Variants in WIPF1 observed in about 807,000 individuals in gnomAD.
WIPF1 encodes the protein WAS/WASL interacting protein family member 1.
WIPF1 carries 13 observed loss-of-function variants against 35.4 expected under a neutral mutation model. The observed-to-expected ratio is 0.37, with a 90% CI of 0.24 to 0.58. The LOEUF is 0.58. WIPF1 is among the 20% of genes least tolerant of loss of function. The probability of loss-of-function intolerance (pLI) is 0.74; values close to 1 mark genes in which losing one functional copy is unlikely to be tolerated. For missense variants in WIPF1, 591 were observed against 667.0 expected, an observed-to-expected ratio of 0.89 and a Z score of 1.25; for synonymous variants, 267 against 266.3, an observed-to-expected ratio of 1.00 and a Z score of -0.02.
chr2:174,655,961 G>T (rs1482142207), intron 1 of WIPF1: 1 of 152,220 alleles, frequency 6.6e-6, no homozygotes, highest in Non-Finnish European at 1.5e-5. Flanking sequence ...TACATCTTGT[G>T]TGGTCCCCTC....
In WIPF1 at chr2:174,562,512, G is replaced by A. The variant is rs756992928; in HGVS notation, c.*35C>T. 2 of 1,614,094 alleles carry A rather than the reference G, an allele frequency of 1.2e-6. No individual in the cohort carries two copies. Among genetic ancestry groups the A allele is most frequent in the East Asian group, 2.2e-5 (1 of 44,892 alleles). ...CAGTTCTTAGATAGCAACAGAAGCA[G>A]CTCTTGAGCTTGGGTAGAGAAGAGC... is the stretch of plus-strand genomic sequence containing the variant. On this transcript the variant is annotated 3_prime_UTR_variant, in exon 8 of 8. Transcript: ENST00000679041.
intron 1 of WIPF1, among the ~76,000 whole-genome samples, chr2:174,654,755 T>C (rs1687607545): frequency 6.6e-6 from 1 of 152,106 alleles, no homozygotes; most frequent in African/African-American, 2.4e-5. Context: ...CCTTTGCGCT[T>C]CTCAACCCTA....
At chr2:174,574,829 C>T (rs1301812953) in intron 4 of WIPF1, 2 of 715,278 alleles carry the variant, frequency 2.8e-6, no homozygotes, top group African/African-American at 1.8e-5. Flanking sequence ...ATTTACTCTA[C>T]TAGACAGCTG....
In WIPF1 at chr2:174,668,203, CA is replaced by C. The variant is rs1232544699; in HGVS notation, c.-39+14570del. 2.6e-5 allele frequency among the ~76,000 whole-genome samples: 4 copies of C among 152,282 alleles called. No homozygotes were observed. The South Asian group carries it at 8.3e-4, about 32-fold the overall frequency. The stretch of plus-strand genomic sequence containing the variant: ...ATGGAACATTTTATGCAATCTCAGG[CA>C]GGGGGAAGAGAAACGAACTGGAACC... On this transcript the variant is annotated intron_variant, in intron 1 of 8. Coordinates refer to the WIPF1 transcript ENST00000272746.
chr2:174,669,680 G>C (rs1687966009), intron 1 of WIPF1, among the ~76,000 whole-genome samples: 1 of 152,168 alleles, frequency 6.6e-6, no homozygotes, highest in African/African-American at 2.4e-5. Flanking sequence ...TTCATGACCA[G>C]TCTGGCCAAC....
chr2:174,588,292 A>G (rs148100779), intron 1 of WIPF1, among the ~76,000 whole-genome samples: 1 of 152,300 alleles, frequency 6.6e-6, no homozygotes, highest in Non-Finnish European at 1.5e-5. Flanking sequence ...AAATCCCTCA[A>G]GACTATTTTG....
At chr2:174,606,061 T>C (rs1305499138) in intron 1 of WIPF1, among the ~76,000 whole-genome samples, 1 of 152,170 alleles carries the variant, frequency 6.6e-6, no homozygotes, top group East Asian at 1.9e-4. Flanking sequence ...CAAGTGGTTC[T>C]TCCCAGAAAA....
chr2:174,579,844 T>C (rs908935033), intron 3 of WIPF1, among the ~76,000 whole-genome samples: 4 of 152,198 alleles, frequency 2.6e-5, no homozygotes, highest in African/African-American at 7.2e-5. Context: ...CAGATGGCTA[T>C]TGGAGGGCTT....
At chr2:174,612,577 A>G (rs1056000817) in intron 1 of WIPF1, among the ~76,000 whole-genome samples, 5 of 55,758 alleles carry the variant, frequency 9.0e-5, no homozygotes, top group Non-Finnish European at 1.5e-4. Context: ...AGACATGAAC[A>G]GTTTTTTTTT....
Position 174,562,018 on chromosome 2 carries a change from T to C in WIPF1, c.*529A>G. 2.0e-6 allele frequency: 3 copies of C among 1,518,772 alleles called. No individual in the cohort carries two copies. The highest frequency in any genetic ancestry group is 2.7e-6 in the Non-Finnish European group (3 of 1,120,390). The allele number at this position is 1,518,772 out of a possible 1,614,324, so 94.1% of individuals were successfully genotyped here. The stretch of plus-strand genomic sequence containing the variant: ...ATTGTATATGGGGCTCACATTATAT[T>C]TCTATTGGACAGCTCTGTCCTAGAG... On this transcript the variant is annotated 3_prime_UTR_variant, in exon 8 of 8. Coordinates refer to ENST00000679041, the MANE Select transcript of WIPF1 (RefSeq NM_001375834.1).
chr2:174,661,402 C>T (rs913442853), intron 1 of WIPF1, among the ~76,000 whole-genome samples: 4 of 152,092 alleles, frequency 2.6e-5, no homozygotes, highest in African/African-American at 9.7e-5. Flanking sequence ...CCCACAGCCA[C>T]ACTCCCTCTC....
chr2:174,563,436 G>A (rs372580027), intron 7 of WIPF1, among the ~76,000 whole-genome samples: 17 of 152,044 alleles, frequency 1.1e-4, no homozygotes, highest in Non-Finnish European at 1.8e-4. Flanking sequence ...GTTGGTGTGC[G>A]CCTGTCCCAT....
chr2:174,566,957 C>T (rs1281154921), intron 7 of WIPF1, 113 bp downstream of exon 7: 5 of 963,872 alleles, frequency 5.2e-6, no homozygotes, highest in Non-Finnish European at 7.9e-6. Flanking sequence ...GTAGATGGCT[C>T]CAAAGGGTTC....
chr2:174,664,671 G>C (rs2105978466), intron 1 of WIPF1, among the ~76,000 whole-genome samples: 1 of 152,350 alleles, frequency 6.6e-6, no homozygotes, highest in East Asian at 1.9e-4. Context: ...AGCTGTCCCA[G>C]GGCCCACTTA....
chr2:174,632,335 G>A (rs896404940), intron 1 of WIPF1, among the ~76,000 whole-genome samples: 3 of 152,128 alleles, frequency 2.0e-5, no homozygotes, highest in African/African-American at 7.2e-5. Context: ...GTGGAAAGAT[G>A]GGGAAGGGGC....
At chr2:174,625,331 A>T (rs908587155) in intron 1 of WIPF1, among the ~76,000 whole-genome samples, 2 of 152,200 alleles carry the variant, frequency 1.3e-5, no homozygotes, top group Admixed American at 6.5e-5. Context: ...AGCTTTCTGA[A>T]TGAGGTCTCA....
intron 1 of WIPF1, among the ~76,000 whole-genome samples, chr2:174,667,140 A>T (rs1450832635): frequency 6.6e-6 from 1 of 152,210 alleles, no homozygotes; most frequent in Non-Finnish European, 1.5e-5. Flanking sequence ...ATAAACTGCC[A>T]GCACAGAGCT....
intron 1 of WIPF1, among the ~76,000 whole-genome samples, chr2:174,635,309 C>T (rs927475304): frequency 6.6e-6 from 1 of 152,182 alleles, no homozygotes; most frequent in Admixed American, 6.5e-5. Context: ...GGCTGGGCAT[C>T]ATCTTCCTCC....
At chr2:174,564,815 G>GCACACA (rs10587549) in intron 7 of WIPF1, among the ~76,000 whole-genome samples, 6,909 of 143,424 alleles carry the variant, frequency 0.048, 184 homozygotes, top group Middle Eastern at 0.058. Flanking sequence ...TTCTTCTGGT[G>GCACACA]CACACACACA....
Sources: gnomAD v4.1 joint callset for allele counts (sites outside exome capture counted in the v4.1 genomes callset) on GRCh38, gnomAD v4.1.1 for gene constraint, MANE v1.5 for transcripts, NCBI Gene and HGNC (gene_info 2026-07-23, HGNC 2026-07-21) for gene names.